CRACR2A: variants seen among roughly 807,000 people sequenced by gnomAD.
The protein encoded by CRACR2A is calcium release activated channel regulator 2A.
A neutral mutation model predicts 90.5 loss-of-function variants in CRACR2A; 79 were observed. The observed-to-expected ratio is 0.87, with a 90% confidence interval of 0.73 to 1.05. The LOEUF (loss-of-function observed/expected upper bound fraction) is 1.05, where lower values mean the gene tolerates loss of function less well. CRACR2A is among the 50% of genes least tolerant of loss of function. CRACR2A has a pLI of 0.00. For missense variants in CRACR2A, 823 were observed against 897.2 expected, an observed-to-expected ratio of 0.92 and a Z score of 1.06; for synonymous variants, 338 against 356.7, an observed-to-expected ratio of 0.95 and a Z score of 0.59.
rs186127260 is a variant in CRACR2A at position 3,651,784 on chromosome 12, G to C, written c.1046+2428C>G. On this transcript the variant is annotated intron_variant, in intron 10 of 19. Coordinates refer to ENST00000440314, the MANE Select transcript of CRACR2A (RefSeq NM_001144958.2). The stretch of plus-strand genomic sequence containing the variant: ...GAACTGGGCTCTGTCCTTGTTATCC[G>C]GCACTAGCTAGCTGCATGGCTTTGG... Among the ~76,000 whole-genome samples the C allele has an allele frequency of 3.3e-5, 5 of 152,030 alleles. No individual in the cohort carries two copies. The South Asian group carries it at 1.0e-3, about 31-fold the overall frequency.
intron 1 of CRACR2A, among the ~76,000 whole-genome samples, chr12:3,735,925 G>C (rs527510844): frequency 6.6e-6 from 1 of 152,264 alleles, no homozygotes; most frequent in African/African-American, 2.4e-5. Flanking sequence ...AGCCTGTACT[G>C]AGAAGGGATG....
Position 3,679,096 on chromosome 12 carries a change from G to A in CRACR2A, c.343C>T (p.His115Tyr). Residue 115 changes from histidine (H) to tyrosine (Y), a missense_variant and splice_region_variant, in exon 6 of 20, where the codon CAC (histidine) becomes TAC (tyrosine). Transcript: ENST00000440314. ...GGGTTATTCTGGCTGAAGAAGAAGT[G>A]ACCTGGGGGGTGCAGGGCACAAGGA... ...TPQEFTTGFS[H>Y]FFFSQNNPSQ... 2 of 1,611,336 alleles carry A rather than the reference G, an allele frequency of 1.2e-6. No homozygotes were observed. Among genetic ancestry groups the A allele is most frequent in the Non-Finnish European group, 1.7e-6 (2 of 1,178,906 alleles).
At chr12:3,643,432 G>A (rs532487857) in intron 12 of CRACR2A, among the ~76,000 whole-genome samples, 6 of 152,158 alleles carry the variant, frequency 3.9e-5, no homozygotes, top group Admixed American at 2.0e-4. Context: ...CACTTTCCTC[G>A]CGTGACAGCG....
chr12:3,650,069 A>G (rs1285133690), intron 10 of CRACR2A, among the ~76,000 whole-genome samples: 7 of 152,198 alleles, frequency 4.6e-5, no homozygotes. Context: ...AAGGGTTCAT[A>G]GTTTCACGTT....
At chr12:3,641,168 A>C (rs928288904) in intron 13 of CRACR2A, among the ~76,000 whole-genome samples, 6 of 152,148 alleles carry the variant, frequency 3.9e-5, no homozygotes, top group Non-Finnish European at 2.9e-5. Flanking sequence ...ACATGGAGAA[A>C]TCCCATCTTT....
At chr12:3,725,653 C>A (rs1210472469) in intron 2 of CRACR2A, among the ~76,000 whole-genome samples, 1 of 152,222 alleles carries the variant, frequency 6.6e-6, no homozygotes, top group African/African-American at 2.4e-5. Context: ...CACTGATTCT[C>A]AACCCTCAGA....
chr12:3,674,146 T>TA (rs1427031805), intron 6 of CRACR2A, among the ~76,000 whole-genome samples: 2 of 151,824 alleles, frequency 1.3e-5, no homozygotes, highest in Admixed American at 1.3e-4. Flanking sequence ...TGCTGAGAGG[T>TA]AAAGACGTGC....
chr12:3,628,358 G>C (rs1208300814), intron 15 of CRACR2A, among the ~76,000 whole-genome samples: 4 of 152,134 alleles, frequency 2.6e-5, no homozygotes, highest in Non-Finnish European at 4.4e-5. Context: ...AAGAAGGAGA[G>C]GAGGAGGAAT....
chr12:3,668,705 GC>G (rs59930500), intron 7 of CRACR2A, among the ~76,000 whole-genome samples: 12,529 of 152,226 alleles, frequency 0.082, 597 homozygotes, highest in African/African-American at 0.12. Context: ...GGGTGTGCAG[GC>G]CATCATAGCT....
At chr12:3,673,344 G>A (rs1945283792) in intron 7 of CRACR2A, 102 bp downstream of exon 7, 1 of 1,403,052 alleles carries the variant, frequency 7.1e-7, no homozygotes, top group South Asian at 1.4e-5. Context: ...AGCAAAAGGA[G>A]GCATTGCACG....
At chr12:3,637,508 T>C (rs1944475980) in intron 14 of CRACR2A, among the ~76,000 whole-genome samples, 1 of 152,180 alleles carries the variant, frequency 6.6e-6, no homozygotes, top group Non-Finnish European at 1.5e-5. Flanking sequence ...TCTCCTTTTT[T>C]TCCTTCTTGC....
Position 3,638,256 on chromosome 12 carries a change from G to C in CRACR2A, c.1470C>G (p.Pro490=), listed in dbSNP as rs753760470. ...CTTCCTCTTCTGAGCATTTGCTCAG[G>C]GGTTGCTCAAAGCCACCATCCAGGA... ...PQLLDGGFEQ[P]LSKCSEEEEV... The change falls in exon 14 of 20, where the codon CCC becomes CCG. Residue 490 remains proline, a synonymous_variant. Coordinates refer to ENST00000440314, the MANE Select transcript of CRACR2A (RefSeq NM_001144958.2). 97 of 1,551,592 alleles carry C rather than the reference G, an allele frequency of 6.3e-5. No individual in the cohort carries two copies. Among genetic ancestry groups the C allele is most frequent in the Non-Finnish European group, 8.5e-5 (97 of 1,146,960 alleles).
At position 3,679,025 on chromosome 12, in the gene CRACR2A, C is replaced by T; in HGVS notation, c.414G>A (p.Glu138=). The part of the protein sequence containing the change: ...AGEQVAQRHE[E]KVYLSRGDED... ...CATCCCCTCTGGACAGATACACCTT[C>T]TCTTCATGGCGCTGGGCCACCTGTT... is the stretch of plus-strand genomic sequence containing the variant. The change falls in exon 6 of 20, where the codon GAG becomes GAA. Residue 138 remains glutamate (E), a synonymous_variant. Transcript: ENST00000440314. 1 of 1,614,094 alleles carries T rather than the reference C, an allele frequency of 6.2e-7. No homozygotes were observed. Among genetic ancestry groups the T allele is most frequent in the East Asian group, 2.2e-5 (1 of 44,866 alleles).
chr12:3,736,440 T>C (rs969972438), intron 1 of CRACR2A, among the ~76,000 whole-genome samples: 4 of 152,066 alleles, frequency 2.6e-5, no homozygotes, highest in Non-Finnish European at 4.4e-5. Flanking sequence ...TTGGAAATGT[T>C]AAGCTTGAGG....
At chr12:3,659,771 T>C (rs1591664684) in intron 7 of CRACR2A, 117 bp from the exon 8 acceptor site, 1 of 781,322 alleles carries the variant, frequency 1.3e-6, no homozygotes, top group South Asian at 1.5e-5. Flanking sequence ...GGTGACAGCA[T>C]AGGTCAGGTC....
intron 17 of CRACR2A, among the ~76,000 whole-genome samples, chr12:3,619,666 G>C (rs1316576420): frequency 6.6e-6 from 1 of 152,220 alleles, no homozygotes; most frequent in African/African-American, 2.4e-5. Flanking sequence ...TGGAACAGCA[G>C]GCCCCCCAAG....
intron 1 of CRACR2A, among the ~76,000 whole-genome samples, chr12:3,734,225 C>T (rs241963): frequency 0.73 from 110,377 of 151,388 alleles, 41,053 homozygotes; most frequent in Middle Eastern, 0.84. Context: ...GATCTGCCCG[C>T]CTCAGCCTCC....
intron 1 of CRACR2A, among the ~76,000 whole-genome samples, chr12:3,737,986 G>A (rs2137884786): frequency 6.6e-6 from 1 of 152,346 alleles, no homozygotes; most frequent in East Asian, 1.9e-4. Flanking sequence ...CATGTCCTGT[G>A]GGGTGGGGTG....
intron 2 of CRACR2A, among the ~76,000 whole-genome samples, chr12:3,716,651 G>A (rs1200391518): frequency 6.6e-6 from 1 of 152,162 alleles, no homozygotes; most frequent in Non-Finnish European, 1.5e-5. Context: ...CTTAAAATGA[G>A]CTGTCCATTT....
Sources: gnomAD v4.1 joint callset for allele counts (sites outside exome capture counted in the v4.1 genomes callset) on GRCh38, gnomAD v4.1.1 for gene constraint, MANE v1.5 for transcripts, NCBI Gene and HGNC (gene_info 2026-07-23, HGNC 2026-07-21) for gene names.